Variants in MSRA observed in about 807,000 individuals in gnomAD.
MSRA encodes the protein methionine sulfoxide reductase A.
In MSRA, 54 loss-of-function variants were observed where a neutral mutation model predicts 31.3. The observed-to-expected ratio is 1.73, with a 90% CI of 1.39 to 2.17. The LOEUF is 2.17. Among genes scored for constraint, MSRA ranks in the 30% most tolerant of loss-of-function variants. The probability of loss-of-function intolerance (pLI) is 0.00; values close to 1 mark genes in which losing one functional copy is unlikely to be tolerated. For synonymous variants in MSRA, 169 were observed against 116.5 expected (o/e 1.45, Z -2.90); for missense variants, 507 against 300.9 (o/e 1.69, Z -5.07).
intron 3 of MSRA, among the ~76,000 whole-genome samples, chr8:10,280,327 T>C (rs4524794): frequency 6.3e-4 from 96 of 151,408 alleles, no homozygotes; most frequent in Non-Finnish European, 1.1e-3. Context: ...TTTTAACTTA[T>C]TTTGTTGATA....
chr8:10,290,387 A>G (rs746303073), intron 3 of MSRA, among the ~76,000 whole-genome samples: 2 of 152,160 alleles, frequency 1.3e-5, no homozygotes, highest in Non-Finnish European at 2.9e-5. Flanking sequence ...ACTATATAGT[A>G]TGCCATTTGG....
At chr8:10,079,708 T>C (rs1379793344) in intron 1 of MSRA, among the ~76,000 whole-genome samples, 2 of 152,192 alleles carry the variant, frequency 1.3e-5, no homozygotes, top group Non-Finnish European at 2.9e-5. Flanking sequence ...TACAGCGCTC[T>C]TGGCTATCCA....
intron 1 of MSRA, among the ~76,000 whole-genome samples, chr8:10,194,461 G>C (rs1410014641): frequency 2.0e-5 from 3 of 152,188 alleles, no homozygotes; most frequent in African/African-American, 7.2e-5. Flanking sequence ...AGCTACTTGG[G>C]AGGCTGAGGC....
At chr8:10,071,828 C>A (rs1797746362) in intron 1 of MSRA, among the ~76,000 whole-genome samples, 1 of 152,092 alleles carries the variant, frequency 6.6e-6, no homozygotes, top group Non-Finnish European at 1.5e-5. Flanking sequence ...GGAATACGAT[C>A]CAGACACTTG....
chr8:10,390,115 G>C (rs1806647364), intron 5 of MSRA, among the ~76,000 whole-genome samples: 1 of 152,206 alleles, frequency 6.6e-6, no homozygotes, highest in Non-Finnish European at 1.5e-5. Flanking sequence ...CGTGAGATCT[G>C]ACATCCCCTC....
intron 5 of MSRA, among the ~76,000 whole-genome samples, chr8:10,396,591 C>T (rs888609665): frequency 1.3e-5 from 2 of 152,200 alleles, no homozygotes; most frequent in African/African-American, 4.8e-5. Context: ...AATGTAAGGA[C>T]TTCTAGTGTG....
At chr8:10,159,793 T>C (rs1563165354) in intron 1 of MSRA, among the ~76,000 whole-genome samples, 1 of 152,198 alleles carries the variant, frequency 6.6e-6, no homozygotes, top group Non-Finnish European at 1.5e-5. Context: ...CCATATGTCA[T>C]GAAGAGGTAC....
chr8:10,218,759 A>C (rs1261265521), intron 2 of MSRA, among the ~76,000 whole-genome samples: 1 of 152,222 alleles, frequency 6.6e-6, no homozygotes, highest in African/African-American at 2.4e-5. Context: ...CCATTTAACA[A>C]GGGATAGAAA....
At chr8:10,320,106 C>T (rs1354662933) in intron 5 of MSRA, 117 bp downstream of exon 5, 4 of 634,378 alleles carry the variant, frequency 6.3e-6, no homozygotes, top group Non-Finnish European at 1.1e-5. Context: ...TTGCACATCT[C>T]TTAGAAATTT....
intron 5 of MSRA, among the ~76,000 whole-genome samples, chr8:10,321,628 G>C (rs190601832): frequency 7.5e-4 from 114 of 152,318 alleles, no homozygotes; most frequent in African/African-American, 2.6e-3. Context: ...GCAGTGATGG[G>C]AGCACTCTGA....
intron 5 of MSRA, among the ~76,000 whole-genome samples, chr8:10,422,806 G>A (rs1229351763): frequency 2.0e-5 from 3 of 152,202 alleles, no homozygotes; most frequent in African/African-American, 7.2e-5. Context: ...CAGGCCCTGG[G>A]GTTGAGCAGC....
At chr8:10,419,305 C>T (rs1476582034) in intron 5 of MSRA, among the ~76,000 whole-genome samples, 3 of 152,166 alleles carry the variant, frequency 2.0e-5, no homozygotes, top group African/African-American at 7.2e-5. Context: ...GGCATGGAAT[C>T]CAGACCTGGA....
chr8:10,316,576 T>TCTCTCCA (rs1801739721), intron 4 of MSRA, among the ~76,000 whole-genome samples: 1 of 102,784 alleles, frequency 9.7e-6, no homozygotes, highest in Non-Finnish European at 2.1e-5. Flanking sequence ...CTCTCTCTCC[T>TCTCTCCA]TCCTCCTCCT....
chr8:10,235,238 A>T lies in MSRA; in HGVS notation c.212-9866A>T, dbSNP rs1374646979. Among the ~76,000 whole-genome samples the T allele has an allele frequency of 2.0e-5, 3 of 152,174 alleles. No homozygotes were observed. In the East Asian group the frequency reaches 5.8e-4, roughly 29 times the overall value. ...CACATTCTCTAACATGATGCAATCA[A>T]ATCGGAAATAAAATTGTGAAGGTAG... On this transcript the variant is annotated intron_variant, in intron 2 of 5. Coordinates refer to ENST00000317173, the MANE Select transcript of MSRA (RefSeq NM_012331.5).
chr8:10,094,154 C>G (rs1799001824), intron 1 of MSRA, among the ~76,000 whole-genome samples: 1 of 152,190 alleles, frequency 6.6e-6, no homozygotes, highest in Admixed American at 6.5e-5. Flanking sequence ...TTTGTCAGTG[C>G]TTTAATTCAA....
chr8:10,386,215 G>T (rs548813008), intron 5 of MSRA, among the ~76,000 whole-genome samples: 1 of 152,346 alleles, frequency 6.6e-6, no homozygotes, highest in East Asian at 1.9e-4. Flanking sequence ...GGACCTCGGA[G>T]AGGGGAAACG....
chr8:10,314,661 A>G (rs1377012566), intron 4 of MSRA, among the ~76,000 whole-genome samples: 1 of 152,240 alleles, frequency 6.6e-6, no homozygotes, highest in Non-Finnish European at 1.5e-5. Flanking sequence ...GTATGTACTC[A>G]AGAGAAACTC....
intron 2 of MSRA, among the ~76,000 whole-genome samples, chr8:10,242,936 C>A (rs951584268): frequency 6.6e-6 from 1 of 152,168 alleles, no homozygotes; most frequent in Non-Finnish European, 1.5e-5. Flanking sequence ...CAGACCCTTG[C>A]CCACCTGCAT....
chr8:10,265,675 T>C (rs369354924), intron 3 of MSRA, among the ~76,000 whole-genome samples: 5 of 152,198 alleles, frequency 3.3e-5, no homozygotes, highest in African/African-American at 1.2e-4. Flanking sequence ...AGGTAGACAC[T>C]GTAAAGCCCT....
Sources: gnomAD v4.1 joint callset for allele counts (sites outside exome capture counted in the v4.1 genomes callset) on GRCh38, gnomAD v4.1.1 for gene constraint, MANE v1.5 for transcripts, NCBI Gene and HGNC (gene_info 2026-07-23, HGNC 2026-07-21) for gene names.